The following PXK variants were observed in gnomAD, a reference collection of about 807,000 sequenced individuals.
The protein encoded by PXK is PX domain containing serine/threonine kinase like.
In PXK, 35 loss-of-function variants were observed where a neutral mutation model predicts 84.7. The ratio of observed to expected loss-of-function variants is 0.41; its 90% CI spans 0.32 to 0.55. The LOEUF is 0.55. Ranked by LOEUF, PXK falls within the 20% of genes least tolerant of loss-of-function variation. The pLI is 0.21. For missense variants in PXK, 634 were observed against 699.7 expected (o/e 0.91, Z 1.06); for synonymous variants, 253 against 260.8 (o/e 0.97, Z 0.29).
chr3:58,366,726 A>T (rs2098277606), intron 2 of PXK, among the ~76,000 whole-genome samples: 4 of 152,210 alleles, frequency 2.6e-5, no homozygotes. Flanking sequence ...TATATTTAAC[A>T]TCTATTGAGC....
rs759631338 is a variant in PXK at position 58,382,505 on chromosome 3, T to C, written c.202-9T>C. The C allele has an allele frequency of 2.6e-5, 39 of 1,513,358 alleles. No homozygotes were observed. Among genetic ancestry groups the C allele is most frequent in the Non-Finnish European group, 3.4e-5 (39 of 1,140,652 alleles). The allele number at this position is 1,513,358 out of a possible 1,614,324, so 93.7% of individuals were successfully genotyped here. A position where few individuals can be genotyped will look rare whatever the true frequency, so the allele number is the denominator to read the frequency against. On this transcript the variant is annotated splice_polypyrimidine_tract_variant and intron_variant, in intron 3 of 17. Transcript: ENST00000356151. ...ACATGAGTGTAACTTTTTTTTTTTTTTTTTAAAGATTGCAGGCCTAAGTCT... is the reference window on the plus strand; with the variant it reads ...ACATGAGTGTAACTTTTTTTTTTTTCTTTTAAAGATTGCAGGCCTAAGTCT...
chr3:58,406,127 T>C (rs2059369132), intron 13 of PXK, among the ~76,000 whole-genome samples: 1 of 151,986 alleles, frequency 6.6e-6, no homozygotes, highest in Non-Finnish European at 1.5e-5. Flanking sequence ...CCACCACGCC[T>C]GGCTAATTTT....
rs1262794521 is a variant in PXK at position 58,421,344 on chromosome 3, G to T, written c.1529-3408G>T. ...CATCTATAATCTCAGCACTTTGGGA[G>T]GCTGAGGCGGGCGGATCACAAGGAT... On this transcript the variant is annotated intron_variant, in intron 17 of 17. Transcript: ENST00000356151. This position sits in a 1 kb window ranked among gnomAD's most constrained non-coding sequence, Gnocchi z 5.5. The T allele has an allele frequency of 1.6e-5, 16 of 972,680 alleles. No individual in the cohort carries two copies. In the African/African-American group the frequency reaches 2.9e-4, roughly 18 times the overall value. The allele number at this position is 972,680 out of a possible 1,614,324, so 60.3% of individuals were successfully genotyped here.
At chr3:58,369,545 C>T (rs1439180767) in intron 3 of PXK, 67 bp downstream of exon 3, 2 of 1,342,180 alleles carry the variant, frequency 1.5e-6, no homozygotes, top group Non-Finnish European at 2.1e-6. Context: ...TGGCTGGAGT[C>T]GGGGCACGGT....
Position 58,403,920 on chromosome 3 carries a change from A to G in PXK, c.1230+10A>G, listed in dbSNP as rs1168682593. 2.7e-6 allele frequency: 4 copies of G among 1,489,676 alleles called. No homozygotes were observed. Among genetic ancestry groups the G allele is most frequent in the African/African-American group, 1.4e-5 (1 of 72,844 alleles). The allele number at this position is 1,489,676 out of a possible 1,614,324, so 92.3% of individuals were successfully genotyped here. On this transcript the variant is annotated intron_variant, in intron 13 of 17. Transcript: ENST00000356151. ...AAAACCACAGTTTAAGGTAAAGACA[A>G]TTATATCGTTTTTTGGTTTGTGACA...
intron 1 of PXK, among the ~76,000 whole-genome samples, chr3:58,338,271 T>TGGA (rs1198895903): frequency 7.1e-6 from 1 of 141,424 alleles, no homozygotes; most frequent in Non-Finnish European, 1.5e-5. Context: ...ACCCGGGAGG[T>TGGA]GGAGGCTGCA....
Position 58,424,748 on chromosome 3 carries a change from A to G in PXK, c.1529-4A>G. On this transcript the variant is annotated splice_region_variant and splice_polypyrimidine_tract_variant and intron_variant, in intron 17 of 17. Coordinates refer to ENST00000356151, the MANE Select transcript of PXK (RefSeq NM_017771.5). ...ATACTGATTGTCCCCCTTTTCCTCC[A>G]CAGGGATATCTGCATTACCTCCACC... 6.2e-7 allele frequency: 1 copy of G among 1,612,980 alleles called. No individual in the cohort carries two copies. Among genetic ancestry groups the G allele is most frequent in the Non-Finnish European group, 8.5e-7 (1 of 1,179,806 alleles).
At position 58,355,438 on chromosome 3, in the gene PXK, G is replaced by A. The variant is rs114749787; in HGVS notation, c.103-10436G>A. On this transcript the variant is annotated intron_variant, in intron 1 of 17. Transcript: ENST00000356151. ...GGGCTAGGCTGGTTTGAAGGTTTGC[G>A]TAAGTTTTGGCTTGAGCGACTTAAC... 8.3e-3 allele frequency among the ~76,000 whole-genome samples: 1,271 copies of A among 152,324 alleles called. 26 individuals are homozygous for A. The highest frequency in any genetic ancestry group is 0.029 in the African/African-American group (1,212 of 41,560).
chr3:58,396,049 A>T (rs1041375784), intron 9 of PXK, among the ~76,000 whole-genome samples: 1 of 152,146 alleles, frequency 6.6e-6, no homozygotes, highest in African/African-American at 2.4e-5. Flanking sequence ...CTTTATCCCC[A>T]TGCCAAGGTT....
chr3:58,399,166 G>T lies in PXK; in HGVS notation c.1103-133G>T, dbSNP rs538569147. 13 of 743,016 alleles carry T rather than the reference G, an allele frequency of 1.7e-5. 1 individual carries two copies. Among genetic ancestry groups the T allele is most frequent in the South Asian group, 1.7e-4 (11 of 64,150 alleles). 46.0% of individuals were successfully genotyped at this position (743,016 alleles called of 1,614,324 possible). ...CCCACCCCACGTATGCCATCTGTCTGTGTGTGAAGATTTTTGACACTGTCC... is the reference window on the plus strand; with the variant it reads ...CCCACCCCACGTATGCCATCTGTCTTTGTGTGAAGATTTTTGACACTGTCC... On this transcript the variant is annotated intron_variant, in intron 11 of 17. Coordinates refer to ENST00000356151, the MANE Select transcript of PXK (RefSeq NM_017771.5). The surrounding 1 kb of genome is among the most constrained non-coding windows in gnomAD (Gnocchi z 4.3).
chr3:58,386,868 C>G (rs1423419648), intron 4 of PXK, among the ~76,000 whole-genome samples: 1 of 152,144 alleles, frequency 6.6e-6, no homozygotes, highest in Non-Finnish European at 1.5e-5. Context: ...CCCTTTTAGG[C>G]CTAAAGCCCC....
chr3:58,422,957 C>T, intron 17 of PXK: 3 of 985,410 alleles, frequency 3.0e-6, no homozygotes, highest in Non-Finnish European at 3.6e-6. Flanking sequence ...ACTACGTGGC[C>T]CTGAATATCA....
chr3:58,340,142 A>T (rs1348606461), intron 1 of PXK, among the ~76,000 whole-genome samples: 3 of 134,918 alleles, frequency 2.2e-5, no homozygotes, highest in Admixed American at 7.6e-5. Flanking sequence ...TTTTTTTAAG[A>T]CAGGGTCTCA....
intron 2 of PXK, 120 bp from the exon 3 acceptor site, chr3:58,369,311 C>G: frequency 1.4e-6 from 1 of 721,236 alleles, no homozygotes; most frequent in Non-Finnish European, 2.3e-6. Flanking sequence ...GCCCTACTAC[C>G]CTTAGCACAA....
chr3:58,423,366 T>C (rs1272246307), intron 17 of PXK: 3 of 1,481,028 alleles, frequency 2.0e-6, no homozygotes, highest in Non-Finnish European at 2.7e-6. Flanking sequence ...TGTTGGTCAT[T>C]TGTCTGTATT....
At chr3:58,391,104 C>A (rs766998558) in intron 5 of PXK, 43 bp from the exon 6 acceptor site, 1 of 1,476,448 alleles carries the variant, frequency 6.8e-7, no homozygotes, top group South Asian at 1.2e-5. Context: ...TCAGTTGTTG[C>A]AAAAATTGTG....
intron 12 of PXK, among the ~76,000 whole-genome samples, chr3:58,402,022 A>G (rs1406285811): frequency 1.3e-5 from 2 of 152,160 alleles, no homozygotes; most frequent in African/African-American, 2.4e-5. Context: ...CAGGACTTCC[A>G]GGGCAGCCTG....
chr3:58,347,064 C>T (rs953166743), intron 1 of PXK, among the ~76,000 whole-genome samples: 2 of 152,142 alleles, frequency 1.3e-5, no homozygotes, highest in African/African-American at 4.8e-5. Context: ...TGATCTCAAA[C>T]TGCTGACCTC....
At chr3:58,334,511 A>C (rs2097551164) in intron 1 of PXK, among the ~76,000 whole-genome samples, 6 of 152,232 alleles carry the variant, frequency 3.9e-5, no homozygotes, top group Admixed American at 3.9e-4. Context: ...ATAACCTTTC[A>C]GGGAATAGTG....
Sources: gnomAD v4.1 joint callset for allele counts (sites outside exome capture counted in the v4.1 genomes callset) on GRCh38, gnomAD v4.1.1 for gene constraint, Gnocchi (gnomAD v3.1) non-coding constraint, MANE v1.5 for transcripts, NCBI Gene and HGNC (gene_info 2026-07-23, HGNC 2026-07-21) for gene names.